The following IL12RB2 variants were observed in gnomAD, a reference collection of about 807,000 sequenced individuals.
IL12RB2 encodes the protein interleukin 12 receptor subunit beta 2.
In IL12RB2, 82 loss-of-function variants were observed where a neutral mutation model predicts 89.4. The ratio of observed to expected loss-of-function variants is 0.92; its 90% CI spans 0.77 to 1.10. The LOEUF is 1.10. IL12RB2 is among the 50% of genes least tolerant of loss of function. The pLI is 0.00. For missense variants in IL12RB2, 963 were observed against 1,031.9 expected, an observed-to-expected ratio of 0.93 and a Z score of 0.92; for synonymous variants, 368 against 370.1, an observed-to-expected ratio of 0.99 and a Z score of 0.07.
intron 10 of IL12RB2, among the ~76,000 whole-genome samples, chr1:67,366,564 C>G (rs1662702826): frequency 6.6e-6 from 1 of 150,424 alleles, no homozygotes; most frequent in Non-Finnish European, 1.5e-5. Context: ...TCAGAAAATA[C>G]TAAATATTGG....
rs745519862 is a variant in IL12RB2 at position 67,321,617 on chromosome 1, G to A, written c.92G>A (p.Gly31Asp). ...CTTATTGCAGATGCGTGCAAGAGAGGCGATGTGACTGTGAAGCCTTCCCAT... is the reference window on the plus strand; with the variant it reads ...CTTATTGCAGATGCGTGCAAGAGAGACGATGTGACTGTGAAGCCTTCCCAT... The part of the protein sequence containing the change: ...IKAKIDACKR[G>D]DVTVKPSHVI... Residue 31 changes from glycine to aspartate, a missense_variant, in exon 4 of 17, where the codon GGC becomes GAC. By Grantham distance (94) the Gly-to-Asp change is moderately conservative (BLOSUM62 -1). Transcript: ENST00000674203. 3.1e-6 allele frequency: 5 copies of A among 1,602,994 alleles called. No homozygotes were observed. Among genetic ancestry groups the A allele is most frequent in the Non-Finnish European group, 3.4e-6 (4 of 1,170,054 alleles).
intron 6 of IL12RB2, 94 bp from the exon 7 acceptor site, chr1:67,329,493 G>A (rs879394995): frequency 1.5e-5 from 12 of 824,312 alleles, no homozygotes; most frequent in Non-Finnish European, 2.6e-5. Flanking sequence ...TCAGAACTGA[G>A]TTTTGTCAAA....
rs534382339 is a variant in IL12RB2, at chr1:67,342,397, A to C, written c.1038+3694A>C. On this transcript the variant is annotated intron_variant, in intron 9 of 16. Transcript: ENST00000674203. ...TCTCTTGCATATGGGGAAATGTGAGATGACCTTTCACTTTTGTAGGATGTT... is the reference window on the plus strand; with the variant it reads ...TCTCTTGCATATGGGGAAATGTGAGCTGACCTTTCACTTTTGTAGGATGTT... 1.6e-4 allele frequency among the ~76,000 whole-genome samples: 25 copies of C among 152,240 alleles called. No homozygotes were observed. The South Asian group carries it at 4.2e-3, about 25-fold the overall frequency.
intron 7 of IL12RB2, among the ~76,000 whole-genome samples, chr1:67,330,218 T>C (rs1657873405): frequency 6.6e-6 from 1 of 151,590 alleles, no homozygotes; most frequent in Non-Finnish European, 1.5e-5. Context: ...TAACAAAGGA[T>C]CAGTCCCACA....
intron 16 of IL12RB2, among the ~76,000 whole-genome samples, chr1:67,390,422 CTAACT>C (rs1347601835): frequency 1.3e-5 from 2 of 149,376 alleles, no homozygotes; most frequent in African/African-American, 4.9e-5. Context: ...TTCTCCTCAC[CTAACT>C]TATTTCAAAA....
intron 3 of IL12RB2, 97 bp downstream of exon 3, chr1:67,320,541 G>T (rs1656354460): frequency 1.9e-6 from 3 of 1,587,836 alleles, no homozygotes; most frequent in Non-Finnish European, 2.6e-6. Context: ...TCTGGTAGTT[G>T]GTCTTTTGTA....
rs866939810 is a variant in IL12RB2 at position 67,351,067 on chromosome 1, C to G, written c.1236C>G (p.Asn412Lys). The part of the protein sequence containing the change: ...SKGSSLPTRI[N>K]IMNLCEAGLL... ...GCAGTTCTCTGCCCACTCGTATTAA[C>G]ATAATGAACCTGTGTGAGGCAGGTA... The change falls in exon 10 of 17, where the codon AAC becomes AAG. Residue 412 changes from asparagine (N) to lysine (K), a missense_variant. Physicochemically the swap from Asn to Lys is moderately conservative, Grantham distance 94. Coordinates refer to ENST00000674203, the MANE Select transcript of IL12RB2 (RefSeq NM_001374259.2). 3.7e-6 allele frequency: 6 copies of G among 1,613,226 alleles called. No individual in the cohort carries two copies. In the African/African-American group the frequency reaches 5.3e-5, roughly 14 times the overall value.
At chr1:67,371,436 C>T (rs899097491) in intron 11 of IL12RB2, among the ~76,000 whole-genome samples, 6 of 151,844 alleles carry the variant, frequency 4.0e-5, no homozygotes, top group African/African-American at 1.5e-4. Flanking sequence ...AAAGTTAAAC[C>T]CTAATCAACT....
chr1:67,392,433 T>C (rs1009853423), intron 16 of IL12RB2, among the ~76,000 whole-genome samples: 2 of 152,094 alleles, frequency 1.3e-5, no homozygotes, highest in Admixed American at 6.6e-5. Flanking sequence ...TTGTCCAAAG[T>C]GGGTTTATTT....
In IL12RB2 at chr1:67,337,606, C is replaced by T. The variant is rs541086383; in HGVS notation, c.959-1018C>T. On this transcript the variant is annotated intron_variant, in intron 8 of 16. Transcript: ENST00000674203. The stretch of plus-strand genomic sequence containing the variant: ...TTAATCAGTTCAGCCTGTGTTTTGG[C>T]ATTAAATAGATAATATCACATGATT... 2.0e-4 allele frequency among the ~76,000 whole-genome samples: 31 copies of T among 152,256 alleles called. No homozygotes were observed. The East Asian group carries it at 6.0e-3, about 29-fold the overall frequency.
chr1:67,321,502 T>A (rs1364798112), intron 3 of IL12RB2, 100 bp from the exon 4 acceptor site: 2 of 791,252 alleles, frequency 2.5e-6, no homozygotes, highest in African/African-American at 1.7e-5. Context: ...CATGATCTGA[T>A]GGAGTTAATT....
intron 1 of IL12RB2, among the ~76,000 whole-genome samples, chr1:67,309,629 A>G (rs1023937458): frequency 1.3e-5 from 2 of 152,216 alleles, no homozygotes; most frequent in Admixed American, 6.5e-5. Flanking sequence ...TTCATTACAT[A>G]GGCTGATAAA....
intron 10 of IL12RB2, among the ~76,000 whole-genome samples, chr1:67,358,122 GA>G (rs1661600616): frequency 6.6e-6 from 1 of 151,254 alleles, no homozygotes; most frequent in South Asian, 2.1e-4. Flanking sequence ...TATTTAGGGA[GA>G]AAAAAGCAAA....
At position 67,376,703 on chromosome 1, in the gene IL12RB2, C is replaced by CGTGTGT. The variant is rs59880609; in HGVS notation, c.1718-3274_1718-3269dup. Among the ~76,000 whole-genome samples, 1,234 of 150,890 alleles carry CGTGTGT rather than the reference C, an allele frequency of 8.2e-3. 4 individuals are homozygous for CGTGTGT. Among genetic ancestry groups the CGTGTGT allele is most frequent in the East Asian group, 0.018 (90 of 5,110 alleles). On this transcript the variant is annotated intron_variant, in intron 13 of 16. Coordinates refer to ENST00000674203, the MANE Select transcript of IL12RB2 (RefSeq NM_001374259.2). ...TATTTTTGTTCTCCTAATATGTGTGCGTGTGTGTGTGTGTATGTGTGTTTG... is the reference window on the plus strand; with the variant it reads ...TATTTTTGTTCTCCTAATATGTGTGCGTGTGTGTGTGTGTGTGTGTATGTGTGTTTG...
chr1:67,328,234 C>G lies in IL12RB2; in HGVS notation c.514C>G (p.Gln172Glu). Reference protein sequence around the residue: ...SGPKNLTWQKQCKDIYCDYLD... With the variant: ...SGPKNLTWQKECKDIYCDYLD... ...ACCAAAAAATTTAACCTGGCAGAAGCAATGTAAAGACATTTATTGTGACTA... is the reference window on the plus strand; with the variant it reads ...ACCAAAAAATTTAACCTGGCAGAAGGAATGTAAAGACATTTATTGTGACTA... Residue 172 changes from glutamine (Q) to glutamate (E), a missense_variant, in exon 6 of 17, where the codon CAA (glutamine) becomes GAA (glutamate). Coordinates refer to ENST00000674203, the MANE Select transcript of IL12RB2 (RefSeq NM_001374259.2). The G allele has an allele frequency of 6.2e-7, 1 of 1,614,072 alleles. No homozygotes were observed. Among genetic ancestry groups the G allele is most frequent in the Non-Finnish European group, 8.5e-7 (1 of 1,179,966 alleles).
intron 10 of IL12RB2, among the ~76,000 whole-genome samples, chr1:67,356,281 C>T (rs183159401): frequency 6.6e-6 from 1 of 152,242 alleles, no homozygotes; most frequent in Admixed American, 6.5e-5. Context: ...GCGGGGAGGA[C>T]CAAGGGAGCT....
intron 10 of IL12RB2, among the ~76,000 whole-genome samples, chr1:67,363,720 C>G (rs1484568962): frequency 6.6e-6 from 1 of 151,994 alleles, no homozygotes; most frequent in East Asian, 1.9e-4. Flanking sequence ...TTTCTGCTAC[C>G]CATGAAGCAG....
chr1:67,366,254 C>A lies in IL12RB2; in HGVS notation c.1259-1571C>A, dbSNP rs560737742. 5.9e-5 allele frequency among the ~76,000 whole-genome samples: 9 copies of A among 152,054 alleles called. No individual in the cohort carries two copies. In the South Asian group the frequency reaches 1.7e-3, roughly 28 times the overall value. ...ATCACCTGAGGTCAGGAGTTCGAGA[C>A]CAGCCTGGCCAACATGGTGAAACCT... On this transcript the variant is annotated intron_variant, in intron 10 of 16. Coordinates refer to ENST00000674203, the MANE Select transcript of IL12RB2 (RefSeq NM_001374259.2).
At chr1:67,390,791 T>C (rs1293619169) in intron 16 of IL12RB2, among the ~76,000 whole-genome samples, 1 of 152,138 alleles carries the variant, frequency 6.6e-6, no homozygotes, top group African/African-American at 2.4e-5. Flanking sequence ...TATCTGAATA[T>C]GAAGACTACA....
Sources: allele counts gnomAD v4.1 joint callset (sites outside exome capture counted in the v4.1 genomes callset), GRCh38; gene constraint gnomAD v4.1.1; transcripts MANE v1.5; gene names NCBI Gene and HGNC (gene_info 2026-07-23, HGNC 2026-07-21).